The following EYA1 variants were observed in gnomAD, a reference collection of about 807,000 sequenced individuals.
EYA1 encodes the protein EYA transcriptional coactivator and phosphatase 1.
In EYA1, 16 loss-of-function variants were observed where a neutral mutation model predicts 82.0. That is an observed-to-expected ratio of 0.20 (90% CI 0.13 to 0.30). The LOEUF is 0.30. EYA1 is among the 10% of genes least tolerant of loss of function. The pLI is 1.00. For synonymous variants in EYA1, 261 were observed against 264.4 expected (o/e 0.99, Z 0.12); for missense variants, 633 against 730.7 (o/e 0.87, Z 1.54).
In EYA1 at chr8:71,343,172, T is replaced by C. The variant is rs188619493; in HGVS notation, c.125-8998A>G. 1.7e-3 allele frequency among the ~76,000 whole-genome samples: 265 copies of C among 152,282 alleles called. 1 individual carries two copies. Among genetic ancestry groups the C allele is most frequent in the African/African-American group, 6.0e-3 (251 of 41,568 alleles). On this transcript the variant is annotated intron_variant, in intron 3 of 17. Coordinates refer to ENST00000340726, the MANE Select transcript of EYA1 (RefSeq NM_000503.6). ...ATGGAGTCATGGCAGGTTGTCTCAC[T>C]AGTTACTAGGTAAACTGGTTTGAAG...
intron 2 of EYA1, among the ~76,000 whole-genome samples, chr8:71,386,372 C>T (rs1038078874): frequency 4.6e-5 from 7 of 152,188 alleles, no homozygotes; most frequent in African/African-American, 1.7e-4. Flanking sequence ...CTGTTCCACC[C>T]AAGTTGGTTG....
chr8:71,346,452 A>ATATATATATATATG (rs1011248214), intron 3 of EYA1, among the ~76,000 whole-genome samples: 16 of 134,648 alleles, frequency 1.2e-4, no homozygotes, highest in African/African-American at 4.9e-4. Flanking sequence ...ATATATATAT[A>ATATATATATATATG]TATCTATATA....
At position 71,440,133 on chromosome 8, in the gene EYA1, G is replaced by T. The variant is rs116946888; in HGVS notation, c.34-83622C>A. Among the ~76,000 whole-genome samples, 209 of 152,288 alleles carry T rather than the reference G, an allele frequency of 1.4e-3. 1 individual carries two copies. Among genetic ancestry groups the T allele is most frequent in the Middle Eastern group, 3.4e-3 (1 of 294 alleles). The stretch of plus-strand genomic sequence containing the variant: ...TCTGAGGCAAATGAAAATAGCCTAT[G>T]AAAATAATGGAGGTGTGACGCAACA... On this transcript the variant is annotated intron_variant, in intron 2 of 18. Transcript: ENST00000643681.
intron 12 of EYA1, among the ~76,000 whole-genome samples, chr8:71,223,742 T>A (rs1810230094): frequency 1.3e-5 from 2 of 152,230 alleles, no homozygotes; most frequent in South Asian, 4.1e-4. Context: ...CATCATCATC[T>A]CTGGCCTTCT....
Position 71,199,009 on chromosome 8 carries a change from C to T in EYA1, c.*331G>A, listed in dbSNP as rs938049133. 2.7e-6 allele frequency: 1 copy of T among 376,810 alleles called. No homozygotes were observed. Among genetic ancestry groups the T allele is most frequent in the Non-Finnish European group, 5.1e-6 (1 of 196,548 alleles). The allele number at this position is 376,810 out of a possible 1,614,324, so 23.3% of individuals were successfully genotyped here. On this transcript the variant is annotated 3_prime_UTR_variant, in exon 18 of 18. Transcript: ENST00000340726. Reference sequence around the variant, plus strand: ...GCTGTATTGGAGAAGCTGTTTATATCACATTGAAAATGCTAACAACTGAAG... The same window carrying T: ...GCTGTATTGGAGAAGCTGTTTATATTACATTGAAAATGCTAACAACTGAAG...
intron 12 of EYA1, among the ~76,000 whole-genome samples, chr8:71,228,903 G>A (rs943209934): frequency 2.6e-5 from 4 of 152,128 alleles, no homozygotes; most frequent in African/African-American, 4.8e-5. Flanking sequence ...TGGGCAGCAC[G>A]TTCAGATACA....
chr8:71,317,423 G>C, intron 7 of EYA1, 129 bp downstream of exon 7: 1 of 913,508 alleles, frequency 1.1e-6, no homozygotes, highest in Non-Finnish European at 1.8e-6. Flanking sequence ...ACTAGAAGCA[G>C]GTGTCCTGCC....
At chr8:71,348,231 CTTTA>C (rs1187046473) in intron 3 of EYA1, among the ~76,000 whole-genome samples, 4 of 152,058 alleles carry the variant, frequency 2.6e-5, no homozygotes, top group Non-Finnish European at 5.9e-5. Flanking sequence ...ACAGACCCCA[CTTTA>C]TTTATATACT....
intron 2 of EYA1, among the ~76,000 whole-genome samples, chr8:71,490,953 G>A (rs574953227): frequency 6.6e-6 from 1 of 152,246 alleles, no homozygotes; most frequent in South Asian, 2.1e-4. Context: ...AATCCTTCTT[G>A]GGAGGAAGAT....
chr8:71,472,157 C>T (rs1268897373), intron 2 of EYA1, among the ~76,000 whole-genome samples: 2 of 152,068 alleles, frequency 1.3e-5, no homozygotes, highest in African/African-American at 2.4e-5. Flanking sequence ...GTTCTGTATG[C>T]CTGTGCTAAG....
In EYA1 at chr8:71,199,279, G is replaced by C; in HGVS notation, c.*61C>G. 12 of 1,249,724 alleles carry C rather than the reference G, an allele frequency of 9.6e-6. No homozygotes were observed. Among genetic ancestry groups the C allele is most frequent in the Non-Finnish European group, 1.4e-5 (12 of 868,112 alleles). 77.4% of individuals were successfully genotyped at this position (1,249,724 alleles called of 1,614,324 possible). A position where few individuals can be genotyped will look rare whatever the true frequency, so the allele number is the denominator to read the frequency against. On this transcript the variant is annotated 3_prime_UTR_variant, in exon 18 of 18. Coordinates refer to ENST00000340726, the MANE Select transcript of EYA1 (RefSeq NM_000503.6). ...GAGGCCGGCGCTGATGCGAGACTGG[G>C]GCCTGCTGGATCTGTCCCTGGTCAC... is the stretch of plus-strand genomic sequence containing the variant.
chr8:71,407,728 C>G (rs200404669), intron 2 of EYA1, among the ~76,000 whole-genome samples: 26,450 of 110,742 alleles, frequency 0.24, 6,508 homozygotes, highest in African/African-American at 0.57. Flanking sequence ...TATGTGAAAA[C>G]ACCAAATCTA....
At chr8:71,373,225 A>G (rs926146491) in intron 2 of EYA1, among the ~76,000 whole-genome samples, 1 of 152,116 alleles carries the variant, frequency 6.6e-6, no homozygotes, top group African/African-American at 2.4e-5. Context: ...ATATGATGCT[A>G]TATGTAGAAA....
chr8:71,360,593 G>A (rs1371536028), intron 1 of EYA1, among the ~76,000 whole-genome samples: 1 of 152,204 alleles, frequency 6.6e-6, no homozygotes, highest in East Asian at 1.9e-4. Context: ...GAGAACTCAA[G>A]CATGCAGAAA....
At chr8:71,426,609 A>C (rs1353087363) in intron 2 of EYA1, among the ~76,000 whole-genome samples, 1 of 152,242 alleles carries the variant, frequency 6.6e-6, no homozygotes, top group South Asian at 2.1e-4. Flanking sequence ...TGATGTCTTC[A>C]TGGGGTTTCT....
At chr8:71,384,730 A>C (rs1400250350) in intron 2 of EYA1, among the ~76,000 whole-genome samples, 1 of 152,196 alleles carries the variant, frequency 6.6e-6, no homozygotes, top group East Asian at 1.9e-4. Context: ...TTTAGACAAG[A>C]CTTTTGTGTC....
At chr8:71,456,292 T>C (rs1807902438) in intron 2 of EYA1, among the ~76,000 whole-genome samples, 2 of 152,220 alleles carry the variant, frequency 1.3e-5, no homozygotes, top group Non-Finnish European at 2.9e-5. Context: ...TCCATGCTCA[T>C]GGATAGGAAG....
At chr8:71,348,691 C>T (rs955453648) in intron 3 of EYA1, among the ~76,000 whole-genome samples, 5 of 152,182 alleles carry the variant, frequency 3.3e-5, no homozygotes, top group Admixed American at 2.0e-4. Flanking sequence ...CCCCTCTATT[C>T]CTCTAACTTT....
At chr8:71,496,810 A>G (rs1190990823) in intron 2 of EYA1, among the ~76,000 whole-genome samples, 21 of 152,072 alleles carry the variant, frequency 1.4e-4, no homozygotes, top group Non-Finnish European at 5.9e-5. Flanking sequence ...ATTACCACCA[A>G]TTATTGTTGG....
Sources: gnomAD v4.1 joint callset for allele counts (sites outside exome capture counted in the v4.1 genomes callset) on GRCh38, gnomAD v4.1.1 for gene constraint, MANE v1.5 for transcripts, NCBI Gene and HGNC (gene_info 2026-07-23, HGNC 2026-07-21) for gene names.